The following SHROOM2 variants were observed in gnomAD, a reference collection of about 807,000 sequenced individuals.
SHROOM2 encodes shroom family member 2, also known as protein Shroom2.
In SHROOM2, 33 loss-of-function variants were observed where a neutral mutation model predicts 75.9. The ratio of observed to expected loss-of-function variants is 0.43; its 90% CI spans 0.33 to 0.58. The LOEUF is 0.58. Among genes scored for constraint, SHROOM2 ranks in the 20% least tolerant of loss-of-function variants. The pLI, the probability that SHROOM2 is intolerant of heterozygous loss-of-function variation, is 0.04. For synonymous variants in SHROOM2, 655 were observed against 663.6 expected (o/e 0.99, Z 0.20); for missense variants, 1,434 against 1,461.2 (o/e 0.98, Z 0.30).
In SHROOM2 at chrX:9,845,367, C is replaced by T. The variant is rs149911016; in HGVS notation, c.166-28285C>T. ...AATGTTTTCGAGAGATTTAGACCCA[C>T]CCAGTAAACCTGAACAAGAAGCCAG... On this transcript the variant is annotated intron_variant, in intron 1 of 9. Transcript: ENST00000380913. Among the ~76,000 whole-genome samples, 853 of 111,707 alleles carry T rather than the reference C, an allele frequency of 7.6e-3. 10 individuals carry two copies. The highest frequency in any genetic ancestry group is 0.026 in the African/African-American group (814 of 30,753).
In SHROOM2 at chrX:9,937,252, C is replaced by G; in HGVS notation, c.3706C>G (p.Pro1236Ala). 1 of 1,210,381 alleles carries G rather than the reference C, an allele frequency of 8.3e-7. No homozygotes were observed. The highest frequency in any genetic ancestry group is 1.1e-6 in the Non-Finnish European group (1 of 894,783). Reference protein sequence around the residue: ...RQSLACPAEPPALPHGLEKDQ... With the variant: ...RQSLACPAEPAALPHGLEKDQ... ...GAGCCTGGCATGCCCCGCCGAGCCA[C>G]CTGCCCTGCCCCACGGGCTGGAGAA... is the stretch of plus-strand genomic sequence containing the variant. The change falls in exon 7 of 10, where the codon CCT becomes GCT. Residue 1236 changes from proline to alanine, a missense_variant. Transcript: ENST00000380913.
rs998256240 is a variant in SHROOM2, at chrX:9,947,890, C to T, written c.*953C>T. 4 of 112,326 alleles carry T rather than the reference C, an allele frequency of 3.6e-5. No individual in the cohort carries two copies. In the East Asian group the frequency reaches 1.1e-3, roughly 31 times the overall value. The allele number at this position is 112,326 out of a possible 1,213,427, so 9.3% of individuals were successfully genotyped here. A position where few individuals can be genotyped will look rare whatever the true frequency, so the allele number is the denominator to read the frequency against. On this transcript the variant is annotated 3_prime_UTR_variant, in exon 10 of 10. Coordinates refer to ENST00000380913, the MANE Select transcript of SHROOM2 (RefSeq NM_001649.4). The stretch of plus-strand genomic sequence containing the variant: ...GGGCCACATTCCATGGACGGGAAGA[C>T]CCCTTCCTCTTCAGAGGTCCCGTGG...
intron 5 of SHROOM2, among the ~76,000 whole-genome samples, chrX:9,931,625 C>G (rs909520695): frequency 1.8e-5 from 2 of 111,327 alleles, no homozygotes; most frequent in Non-Finnish European, 3.8e-5. Context: ...GCCTGGGTGA[C>G]AAAGCGAGAC....
At chrX:9,936,739 C>T (rs965735442) in intron 6 of SHROOM2, among the ~76,000 whole-genome samples, 2 of 112,173 alleles carry the variant, frequency 1.8e-5, no homozygotes, top group Non-Finnish European at 3.8e-5. Context: ...CTGGAAAATG[C>T]CCATCCACTG....
chrX:9,833,987 C>G (rs994291325), intron 1 of SHROOM2, among the ~76,000 whole-genome samples: 17 of 110,737 alleles, frequency 1.5e-4, no homozygotes, highest in African/African-American at 5.3e-4. Context: ...CTGAGGTTCC[C>G]ATCTACACTA....
At chrX:9,883,835 G>A (rs764301771) in intron 2 of SHROOM2, among the ~76,000 whole-genome samples, 20 of 111,174 alleles carry the variant, frequency 1.8e-4, no homozygotes, top group Admixed American at 8.6e-4. Flanking sequence ...TAAAGGATTA[G>A]AAGAGTGTGA....
chrX:9,937,806 A>G, intron 7 of SHROOM2, 121 bp downstream of exon 7: 1 of 633,214 alleles, frequency 1.6e-6, no homozygotes, highest in Non-Finnish European at 2.4e-6. Context: ...GGGTTTTCAT[A>G]AGGGCTCCTC....
intron 1 of SHROOM2, among the ~76,000 whole-genome samples, chrX:9,852,198 G>GA: frequency 8.9e-6 from 1 of 112,687 alleles, no homozygotes; most frequent in South Asian, 3.6e-4. Context: ...GCGGTAATCA[G>GA]AAAAAACTCC....
chrX:9,862,202 C>T (rs746849219), intron 1 of SHROOM2, among the ~76,000 whole-genome samples: 2 of 111,069 alleles, frequency 1.8e-5, no homozygotes, highest in African/African-American at 3.3e-5. Context: ...CTATTATCGA[C>T]GAATTATTAA....
At chrX:9,922,124 G>T (rs1264779586) in intron 5 of SHROOM2, among the ~76,000 whole-genome samples, 1 of 112,037 alleles carries the variant, frequency 8.9e-6, no homozygotes, top group African/African-American at 3.2e-5. Context: ...CATAGTCATG[G>T]CTCAGTGCAT....
At chrX:9,826,245 G>A (rs1569143148) in intron 1 of SHROOM2, among the ~76,000 whole-genome samples, 1 of 112,085 alleles carries the variant, frequency 8.9e-6, no homozygotes, top group Non-Finnish European at 1.9e-5. Context: ...ATTTGCAAGC[G>A]GGTCTGTGGT....
chrX:9,817,708 T>C (rs2083830908), intron 1 of SHROOM2, among the ~76,000 whole-genome samples: 1 of 112,333 alleles, frequency 8.9e-6, no homozygotes, highest in South Asian at 3.7e-4. Context: ...CAGATGCCAA[T>C]TGGAGGGACT....
intron 1 of SHROOM2, among the ~76,000 whole-genome samples, chrX:9,834,641 TATTTA>T (rs1216581503): frequency 9.6e-6 from 1 of 103,951 alleles, no homozygotes; most frequent in African/African-American, 3.5e-5. Flanking sequence ...TTTATTTATT[TATTTA>T]TTTATTTTCT....
At chrX:9,926,708 A>G (rs2084597176) in intron 5 of SHROOM2, among the ~76,000 whole-genome samples, 1 of 111,639 alleles carries the variant, frequency 9.0e-6, no homozygotes, top group Non-Finnish European at 1.9e-5. Flanking sequence ...TTGCTTTATG[A>G]TGGTTCGGTG....
intron 1 of SHROOM2, among the ~76,000 whole-genome samples, chrX:9,830,883 C>T (rs2083913033): frequency 9.0e-6 from 1 of 111,573 alleles, no homozygotes; most frequent in Non-Finnish European, 1.9e-5. Context: ...GGGATTACAA[C>T]CCCTAGTTTC....
intron 2 of SHROOM2, among the ~76,000 whole-genome samples, chrX:9,881,968 A>G (rs1456448976): frequency 2.7e-5 from 3 of 111,968 alleles, no homozygotes; most frequent in Non-Finnish European, 3.8e-5. Flanking sequence ...AATACAGTAA[A>G]TTATTATGGG....
chrX:9,890,898 A>C, intron 2 of SHROOM2, 79 bp from the exon 3 acceptor site: 1 of 1,034,220 alleles, frequency 9.7e-7, no homozygotes, highest in Non-Finnish European at 1.3e-6. Context: ...GCGGTCCCCA[A>C]GCCCCCTGCA....
chrX:9,786,787 G>A, intron 1 of SHROOM2, 77 bp downstream of exon 1: 1 of 755,533 alleles, frequency 1.3e-6, no homozygotes, highest in Admixed American at 6.9e-5. Flanking sequence ...TAGGGGCGCG[G>A]GAGGGGCGGT....
rs2084321570 is a variant in SHROOM2 at position 9,895,405 on chromosome X, A to G, written c.1497A>G (p.Thr499=). ...QLWAGCWPSD[T]ALGALESLPP... Reference sequence around the variant, plus strand: ...GGGCGGGATGCTGGCCTTCTGACACAGCCCTTGGAGCCCTCGAGAGTCTTC... The same window carrying G: ...GGGCGGGATGCTGGCCTTCTGACACGGCCCTTGGAGCCCTCGAGAGTCTTC... Residue 499 remains threonine, a synonymous_variant, in exon 4 of 10, where the codon ACA becomes ACG. Transcript: ENST00000380913. 2 of 1,202,107 alleles carry G rather than the reference A, an allele frequency of 1.7e-6. No individual in the cohort carries two copies. Among genetic ancestry groups the G allele is most frequent in the Admixed American group, 2.2e-5 (1 of 44,933 alleles).
Sources: allele counts gnomAD v4.1 joint callset (sites outside exome capture counted in the v4.1 genomes callset), GRCh38; gene constraint gnomAD v4.1.1; transcripts MANE v1.5; gene names NCBI Gene and HGNC (gene_info 2026-07-23, HGNC 2026-07-21).